The following KCND2 variants were observed in gnomAD, a reference collection of about 807,000 sequenced individuals.
KCND2 encodes potassium voltage-gated channel subfamily D member 2.
In KCND2, 16 loss-of-function variants were observed where a neutral mutation model predicts 54.4. The ratio of observed to expected loss-of-function variants is 0.29; its 90% CI spans 0.20 to 0.45. KCND2 has a LOEUF of 0.45. KCND2 is among the 20% of genes least tolerant of loss of function. The pLI is 1.00. For missense variants in KCND2, 486 were observed against 824.2 expected (o/e 0.59, Z 5.02); for synonymous variants, 317 against 310.7 (o/e 1.02, Z -0.21).
At chr7:120,443,946 A>T (rs1489689428) in intron 1 of KCND2, among the ~76,000 whole-genome samples, 1 of 151,698 alleles carries the variant, frequency 6.6e-6, no homozygotes. Flanking sequence ...GGTGTGCTTT[A>T]CTCCCCTTCA....
intron 1 of KCND2, among the ~76,000 whole-genome samples, chr7:120,283,804 G>A (rs1203707650): frequency 1.3e-5 from 2 of 152,078 alleles, no homozygotes; most frequent in Admixed American, 6.6e-5. Context: ...TCACTTTGCA[G>A]TAGGTACATA....
At chr7:120,588,525 T>C (rs1792629653) in intron 1 of KCND2, among the ~76,000 whole-genome samples, 1 of 151,524 alleles carries the variant, frequency 6.6e-6, no homozygotes, top group African/African-American at 2.4e-5. Flanking sequence ...TGAAATAGAA[T>C]CTAATGGAAA....
At chr7:120,363,886 T>C (rs1800630200) in intron 1 of KCND2, among the ~76,000 whole-genome samples, 2 of 152,254 alleles carry the variant, frequency 1.3e-5, no homozygotes, top group Non-Finnish European at 1.5e-5. Context: ...ACTGGCATTC[T>C]TATTGCTTTT....
intron 1 of KCND2, among the ~76,000 whole-genome samples, chr7:120,385,555 G>A (rs1222075158): frequency 6.6e-6 from 1 of 152,026 alleles, no homozygotes; most frequent in African/African-American, 2.4e-5. Context: ...CTTATAATCT[G>A]CCATAAGAGA....
At chr7:120,625,324 C>A (rs1793152071) in intron 1 of KCND2, among the ~76,000 whole-genome samples, 1 of 152,176 alleles carries the variant, frequency 6.6e-6, no homozygotes, top group African/African-American at 2.4e-5. Context: ...ACATTGCATG[C>A]AGTCTCCATT....
chr7:120,624,218 T>G (rs761378518), intron 1 of KCND2, among the ~76,000 whole-genome samples: 2 of 152,198 alleles, frequency 1.3e-5, no homozygotes, highest in Non-Finnish European at 2.9e-5. Flanking sequence ...CCGTTTGTTA[T>G]GTTAAATCGC....
At chr7:120,601,820 A>G (rs534271121) in intron 1 of KCND2, among the ~76,000 whole-genome samples, 1 of 152,240 alleles carries the variant, frequency 6.6e-6, no homozygotes, top group South Asian at 2.1e-4. Context: ...CTCTCTACCC[A>G]CACTGAACTA....
intron 1 of KCND2, among the ~76,000 whole-genome samples, chr7:120,476,756 T>A (rs1306891501): frequency 6.6e-6 from 1 of 152,184 alleles, no homozygotes; most frequent in African/African-American, 2.4e-5. Flanking sequence ...AAAAGAGATT[T>A]GTGTTGACTC....
intron 1 of KCND2, among the ~76,000 whole-genome samples, chr7:120,538,768 C>T (rs1044169672): frequency 1.3e-5 from 2 of 152,100 alleles, no homozygotes; most frequent in Non-Finnish European, 2.9e-5. Flanking sequence ...GGCAGGAGGC[C>T]GATATGGACC....
At chr7:120,354,236 C>T (rs1800462877) in intron 1 of KCND2, among the ~76,000 whole-genome samples, 1 of 152,046 alleles carries the variant, frequency 6.6e-6, no homozygotes, top group African/African-American at 2.4e-5. Flanking sequence ...CTGTCACAGC[C>T]ACTACTACAG....
chr7:120,351,952 C>T lies in KCND2; in HGVS notation c.1115+76205C>T, dbSNP rs1422515904. On this transcript the variant is annotated intron_variant, in intron 1 of 5. Transcript: ENST00000331113. ...TCAGCCTCCCAAGTAGCTGGGACTG[C>T]GGGCATGCACCACCACACCAAGCTA... is the stretch of plus-strand genomic sequence containing the variant. Among the ~76,000 whole-genome samples, 6 of 151,894 alleles carry T rather than the reference C, an allele frequency of 4.0e-5. No individual in the cohort carries two copies. In the East Asian group the frequency reaches 5.8e-4, roughly 15 times the overall value.
intron 1 of KCND2, among the ~76,000 whole-genome samples, chr7:120,542,786 A>G (rs1791994788): frequency 6.6e-6 from 1 of 152,156 alleles, no homozygotes; most frequent in Non-Finnish European, 1.5e-5. Flanking sequence ...GTGAATACCA[A>G]AATGATGTCT....
chr7:120,591,097 G>A (rs75636844), intron 1 of KCND2, among the ~76,000 whole-genome samples: 3,675 of 152,194 alleles, frequency 0.024, 149 homozygotes, highest in African/African-American at 0.084. Context: ...TAAAAAATTA[G>A]TAGCTTTTTT....
chr7:120,282,493 C>T (rs930060968), intron 1 of KCND2, among the ~76,000 whole-genome samples: 7 of 152,002 alleles, frequency 4.6e-5, no homozygotes, highest in Non-Finnish European at 7.4e-5. Context: ...TCTAGCATAA[C>T]GCAATCCATT....
chr7:120,702,976 A>C (rs930711851), intron 1 of KCND2, among the ~76,000 whole-genome samples: 2 of 152,200 alleles, frequency 1.3e-5, no homozygotes. Flanking sequence ...GTAGTAATTA[A>C]TCATTGTGAT....
chr7:120,448,314 A>G (rs1009340818), intron 1 of KCND2, among the ~76,000 whole-genome samples: 3 of 152,152 alleles, frequency 2.0e-5, no homozygotes, highest in Non-Finnish European at 4.4e-5. Context: ...CTTGCTCAGA[A>G]TGATGGTTTC....
At chr7:120,362,587 G>C (rs1478781485) in intron 1 of KCND2, among the ~76,000 whole-genome samples, 3 of 152,054 alleles carry the variant, frequency 2.0e-5, no homozygotes, top group Non-Finnish European at 4.4e-5. Flanking sequence ...GAGGCAGCAT[G>C]CTCTAACAGC....
chr7:120,437,546 A>C (rs1801886016), intron 1 of KCND2, among the ~76,000 whole-genome samples: 1 of 137,612 alleles, frequency 7.3e-6, no homozygotes, highest in African/African-American at 3.1e-5. Flanking sequence ...GGGGAAGGCC[A>C]TAAGCTAAAA....
chr7:120,652,389 A>AG (rs1432963054), intron 1 of KCND2, among the ~76,000 whole-genome samples: 1 of 152,132 alleles, frequency 6.6e-6, no homozygotes, highest in East Asian at 1.9e-4. Flanking sequence ...AGTCTATCTT[A>AG]GGGGACATGG....
Sources: gnomAD v4.1 joint callset for allele counts (sites outside exome capture counted in the v4.1 genomes callset) on GRCh38, gnomAD v4.1.1 for gene constraint, MANE v1.5 for transcripts, NCBI Gene and HGNC (gene_info 2026-07-23, HGNC 2026-07-21) for gene names.